Variants in RGL1 observed in about 807,000 individuals in gnomAD.
RGL1 encodes ral guanine nucleotide dissociation stimulator-like 1.
In RGL1, 24 loss-of-function variants were observed where a neutral mutation model predicts 95.2. That is an observed-to-expected ratio of 0.25 (90% CI 0.18 to 0.35). The LOEUF is 0.35. Ranked by LOEUF, RGL1 falls within the 10% of genes least tolerant of loss-of-function variation. RGL1 has a pLI of 1.00. For missense variants in RGL1, 715 were observed against 936.3 expected (o/e 0.76, Z 3.08); for synonymous variants, 329 against 344.9 (o/e 0.95, Z 0.51).
At chr1:183,872,223 G>T (rs781733289) in intron 4 of RGL1, among the ~76,000 whole-genome samples, 2 of 152,164 alleles carry the variant, frequency 1.3e-5, no homozygotes, top group Non-Finnish European at 2.9e-5. Flanking sequence ...ATTCAGAAAT[G>T]AAGAGAATGT....
chr1:183,735,411 T>C (rs1656878072), intron 1 of RGL1, among the ~76,000 whole-genome samples: 1 of 152,146 alleles, frequency 6.6e-6, no homozygotes, highest in South Asian at 2.1e-4. Context: ...AATAAAAAAG[T>C]AAAAATCTAT....
chr1:183,833,017 C>G (rs149181079), intron 2 of RGL1, among the ~76,000 whole-genome samples: 156 of 152,198 alleles, frequency 1.0e-3, no homozygotes, highest in African/African-American at 3.7e-3. Context: ...TAATACCGTC[C>G]CTTTTTGTAG....
chr1:183,670,844 A>G (rs1483135682), intron 1 of RGL1, among the ~76,000 whole-genome samples: 2 of 152,160 alleles, frequency 1.3e-5, no homozygotes, highest in Admixed American at 1.3e-4. Flanking sequence ...GATATACTAC[A>G]ATTTGTTTAT....
chr1:183,872,814 A>G (rs1466629527), intron 4 of RGL1, among the ~76,000 whole-genome samples: 3 of 152,238 alleles, frequency 2.0e-5, no homozygotes, highest in Admixed American at 6.5e-5. Context: ...ATTGAAATTA[A>G]TTGGAGTGAT....
At chr1:183,846,584 A>C (rs916129495) in intron 2 of RGL1, among the ~76,000 whole-genome samples, 1 of 151,780 alleles carries the variant, frequency 6.6e-6, no homozygotes, top group Admixed American at 6.6e-5. Context: ...ACAACAACAA[A>C]AAAGAATGAG....
intron 9 of RGL1, among the ~76,000 whole-genome samples, chr1:183,895,067 T>C (rs1393086351): frequency 6.6e-6 from 1 of 152,182 alleles, no homozygotes. Context: ...GTTGACTTTA[T>C]ATAAAGGACT....
intron 4 of RGL1, among the ~76,000 whole-genome samples, chr1:183,872,123 C>G (rs1666217142): frequency 6.6e-6 from 1 of 152,148 alleles, no homozygotes; most frequent in African/African-American, 2.4e-5. Flanking sequence ...GACATTTTTA[C>G]ACGATAAAAT....
At chr1:183,713,381 C>A (rs956075234) in intron 1 of RGL1, among the ~76,000 whole-genome samples, 4 of 133,942 alleles carry the variant, frequency 3.0e-5, no homozygotes, top group Non-Finnish European at 6.3e-5. Flanking sequence ...GAGGCACCCC[C>A]CCCCCCCGCT....
chr1:183,883,842 G>A lies in RGL1; in HGVS notation c.667G>A (p.Gly223Arg), dbSNP rs201561586. 3.1e-6 allele frequency: 5 copies of A among 1,614,126 alleles called. No individual in the cohort carries two copies. The East Asian group carries it at 1.1e-4, about 36-fold the overall frequency. The change falls in exon 6 of 18, where the codon GGA (glycine) becomes AGA (arginine). Residue 223 changes from glycine to arginine, a missense_variant. This residue lies in a region of RGL1 where 381 missense variants were observed against 484.8 expected (regional missense o/e 0.79). Transcript: ENST00000360851. ...GGAAGAGGAAGAGGAACTGGAGGGTGGAGAGTCAGCAGAATTCACGTGCTT... is the reference window on the plus strand; with the variant it reads ...GGAAGAGGAAGAGGAACTGGAGGGTAGAGAGTCAGCAGAATTCACGTGCTT... ...SLEEEEELEGGESAEFTCFSE... is the reference protein window; with the variant it reads ...SLEEEEELEGRESAEFTCFSE...
intron 1 of RGL1, among the ~76,000 whole-genome samples, chr1:183,672,936 G>A (rs1156578751): frequency 6.6e-6 from 1 of 152,202 alleles, no homozygotes; most frequent in Non-Finnish European, 1.5e-5. Context: ...TGCAGGATGT[G>A]CATGTTTGTT....
intron 2 of RGL1, among the ~76,000 whole-genome samples, chr1:183,745,575 T>C (rs1192551405): frequency 6.6e-6 from 1 of 152,164 alleles, no homozygotes; most frequent in Non-Finnish European, 1.5e-5. Context: ...TGTTTCTTCT[T>C]CAGTTTATAA....
intron 1 of RGL1, among the ~76,000 whole-genome samples, chr1:183,675,395 A>T: frequency 1.9e-5 from 2 of 103,200 alleles, no homozygotes; most frequent in African/African-American, 7.9e-5. Flanking sequence ...CTTCCTACCT[A>T]CCAACCTACA....
Position 183,652,841 on chromosome 1 carries a change from A to G in RGL1, c.-33+16340A>G, listed in dbSNP as rs183541308. 9.8e-5 allele frequency among the ~76,000 whole-genome samples: 15 copies of G among 152,340 alleles called. No homozygotes were observed. In the East Asian group the frequency reaches 2.9e-3, roughly 29 times the overall value. Reference sequence around the variant, plus strand: ...CCCAGCGTGCTGGAGGGCTCTCTGCATCTGGCTGTGAGTGGCCCCTGGACT... The same window carrying G: ...CCCAGCGTGCTGGAGGGCTCTCTGCGTCTGGCTGTGAGTGGCCCCTGGACT... On this transcript the variant is annotated intron_variant, in intron 1 of 18. Coordinates refer to the RGL1 transcript ENST00000304685.
At chr1:183,844,925 G>A (rs1664315825) in intron 2 of RGL1, among the ~76,000 whole-genome samples, 2 of 152,160 alleles carry the variant, frequency 1.3e-5, no homozygotes, top group African/African-American at 4.8e-5. Context: ...TCCTGTTAGC[G>A]GTTTGACATG....
chr1:183,734,927 T>C (rs2102238845), intron 1 of RGL1, among the ~76,000 whole-genome samples: 1 of 152,328 alleles, frequency 6.6e-6, no homozygotes, highest in South Asian at 2.1e-4. Flanking sequence ...CTGCACTGAA[T>C]GGAGACTAGG....
At position 183,749,915 on chromosome 1, in the gene RGL1, C is replaced by G. The variant is rs532519035; in HGVS notation, c.132+7626C>G. On this transcript the variant is annotated intron_variant, in intron 2 of 18. Transcript: ENST00000304685. ...CACTCTCTTCTGGATTCTAGTGTTT[C>G]TACAGAGAGATCCACTGTCAGTCTG... is the stretch of plus-strand genomic sequence containing the variant. Among the ~76,000 whole-genome samples the G allele has an allele frequency of 2.6e-5, 4 of 152,316 alleles. 1 individual carries two copies. The South Asian group carries it at 8.3e-4, about 32-fold the overall frequency.
intron 1 of RGL1, among the ~76,000 whole-genome samples, chr1:183,713,551 A>G (rs934146488): frequency 5.3e-5 from 8 of 152,106 alleles, no homozygotes; most frequent in Non-Finnish European, 1.0e-4. Flanking sequence ...TTTTGGAGGT[A>G]ATTAGGTCAT....
intron 3 of RGL1, among the ~76,000 whole-genome samples, chr1:183,858,892 C>T (rs1487048061): frequency 1.3e-5 from 2 of 152,158 alleles, no homozygotes. Context: ...ATACTAAACT[C>T]ATATTCATTG....
rs1322842526 is a variant in RGL1, at chr1:183,691,100, C to A, written c.-32-51026C>A. 3.3e-5 allele frequency among the ~76,000 whole-genome samples: 5 copies of A among 152,136 alleles called. No homozygotes were observed. The East Asian group carries it at 9.6e-4, about 29-fold the overall frequency. On this transcript the variant is annotated intron_variant, in intron 1 of 18. Transcript: ENST00000304685. Reference sequence around the variant, plus strand: ...AATTGTTAGTGCTTTAACCAGCAAACATTATTTTTTAAGGATTATTCTATT... The same window carrying A: ...AATTGTTAGTGCTTTAACCAGCAAAAATTATTTTTTAAGGATTATTCTATT...
Sources: allele counts gnomAD v4.1 joint callset (sites outside exome capture counted in the v4.1 genomes callset), GRCh38; gene constraint gnomAD v4.1.1; regional missense constraint gnomAD v4.1.1; transcripts MANE v1.5; gene names NCBI Gene and HGNC (gene_info 2026-07-23, HGNC 2026-07-21).